Variants in PRKAA2 observed in about 807,000 individuals in gnomAD.
PRKAA2 encodes 5'-AMP-activated protein kinase catalytic subunit alpha-2.
A neutral mutation model predicts 56.3 loss-of-function variants in PRKAA2; 40 were observed. The observed-to-expected ratio is 0.71, with a 90% confidence interval of 0.55 to 0.92. The LOEUF (loss-of-function observed/expected upper bound fraction) is 0.92, where lower values mean the gene tolerates loss of function less well. Among genes scored for constraint, PRKAA2 ranks in the 40% least tolerant of loss-of-function variants. The probability of loss-of-function intolerance (pLI) is 0.00; values close to 1 mark genes in which losing one functional copy is unlikely to be tolerated. For missense variants in PRKAA2, 542 were observed against 686.9 expected (o/e 0.79, Z 2.36); for synonymous variants, 214 against 234.2 (o/e 0.91, Z 0.79).
intron 2 of PRKAA2, among the ~76,000 whole-genome samples, chr1:56,685,999 A>G (rs989065807): frequency 3.3e-5 from 5 of 152,210 alleles, no homozygotes; most frequent in African/African-American, 1.2e-4. Context: ...CTTTAGAGAT[A>G]TGTACAGATT....
chr1:56,655,526 T>C (rs1362827187), intron 1 of PRKAA2, among the ~76,000 whole-genome samples: 2 of 151,882 alleles, frequency 1.3e-5, no homozygotes, highest in Non-Finnish European at 2.9e-5. Flanking sequence ...TATAAAGTAT[T>C]TGCTGTGTTT....
intron 5 of PRKAA2, among the ~76,000 whole-genome samples, chr1:56,695,599 C>T (rs1644254264): frequency 6.6e-6 from 1 of 152,132 alleles, no homozygotes; most frequent in African/African-American, 2.4e-5. Flanking sequence ...TTAACCTATA[C>T]ACCATAGTAT....
At chr1:56,649,657 T>A (rs576969391) in intron 1 of PRKAA2, among the ~76,000 whole-genome samples, 11 of 152,310 alleles carry the variant, frequency 7.2e-5, no homozygotes, top group Admixed American at 1.3e-4. Context: ...ATTTGTTTAT[T>A]AATTAGTTTT....
intron 2 of PRKAA2, among the ~76,000 whole-genome samples, chr1:56,675,567 G>A (rs1206154271): frequency 6.6e-6 from 1 of 152,010 alleles, no homozygotes; most frequent in African/African-American, 2.4e-5. Flanking sequence ...TAATGCTCCA[G>A]CATTCCAGTT....
At chr1:56,703,728 T>TA (rs1644312145) in intron 6 of PRKAA2, among the ~76,000 whole-genome samples, 1 of 152,214 alleles carries the variant, frequency 6.6e-6, no homozygotes, top group Admixed American at 6.5e-5. Flanking sequence ...TTGTTTTCCT[T>TA]AAAGCGATGG....
intron 6 of PRKAA2, among the ~76,000 whole-genome samples, chr1:56,699,290 TTATAA>T (rs1290055170): frequency 6.6e-6 from 1 of 152,174 alleles, no homozygotes; most frequent in Non-Finnish European, 1.5e-5. Flanking sequence ...TTGATAGTCT[TTATAA>T]TCTAACCTTA....
chr1:56,689,889 GACACACAGACAC>G (rs1164025744), intron 2 of PRKAA2, among the ~76,000 whole-genome samples: 12 of 62,384 alleles, frequency 1.9e-4, no homozygotes, highest in Non-Finnish European at 2.3e-4. Flanking sequence ...TAGAAACACA[GACACACAGACAC>G]ACACACACAC....
chr1:56,674,593 A>T lies in PRKAA2; in HGVS notation c.236+71A>T. The T allele has an allele frequency of 4.1e-6, 5 of 1,220,814 alleles. No individual in the cohort carries two copies. In the Admixed American group the frequency reaches 1.4e-4, roughly 35 times the overall value. 75.6% of individuals were successfully genotyped at this position (1,220,814 alleles called of 1,614,324 possible). ...AAATGTTTTTTAGGAATTTTATAATAATTGTTAATTGTTAACCTTTTACAA... is the reference window on the plus strand; with the variant it reads ...AAATGTTTTTTAGGAATTTTATAATTATTGTTAATTGTTAACCTTTTACAA... On this transcript the variant is annotated intron_variant, in intron 2 of 8. Coordinates refer to ENST00000371244, the MANE Select transcript of PRKAA2 (RefSeq NM_006252.4).
chr1:56,651,895 G>A (rs1643901797), intron 1 of PRKAA2, among the ~76,000 whole-genome samples: 1 of 150,892 alleles, frequency 6.6e-6, no homozygotes, highest in African/African-American at 2.4e-5. Context: ...AGGCTGGAGT[G>A]CAGTGGTGCT....
chr1:56,713,162 A>G lies in PRKAA2; in HGVS notation c.*5449A>G, dbSNP rs1644380360. ...ATCATTACTAGCCTTTCCACCTATAATTATGATGCATTTGATGCCACTGAA... is the reference window on the plus strand; with the variant it reads ...ATCATTACTAGCCTTTCCACCTATAGTTATGATGCATTTGATGCCACTGAA... On this transcript the variant is annotated 3_prime_UTR_variant, in exon 9 of 9. Coordinates refer to ENST00000371244, the MANE Select transcript of PRKAA2 (RefSeq NM_006252.4). 1 of 152,150 alleles carries G rather than the reference A, an allele frequency of 6.6e-6. No homozygotes were observed. The highest frequency in any genetic ancestry group is 1.5e-5 in the Non-Finnish European group (1 of 68,030). 9.4% of individuals were successfully genotyped at this position (152,150 alleles called of 1,614,324 possible). A position where few individuals can be genotyped will look rare whatever the true frequency, so the allele number is the denominator to read the frequency against.
In PRKAA2 at chr1:56,666,094, A is replaced by G. The variant is rs1644034023; in HGVS notation, c.95-8287A>G. Among the ~76,000 whole-genome samples, 3 of 152,214 alleles carry G rather than the reference A, an allele frequency of 2.0e-5. No homozygotes were observed. The South Asian group carries it at 6.2e-4, about 32-fold the overall frequency. The stretch of plus-strand genomic sequence containing the variant: ...AGCACACCAAACTTACATACACCTC[A>G]TATTCTAAAGCAGCAATACTAGTAG... On this transcript the variant is annotated intron_variant, in intron 1 of 8. Coordinates refer to ENST00000371244, the MANE Select transcript of PRKAA2 (RefSeq NM_006252.4).
intron 6 of PRKAA2, among the ~76,000 whole-genome samples, chr1:56,699,325 G>T (rs545344231): frequency 1.3e-5 from 2 of 152,156 alleles, no homozygotes; most frequent in African/African-American, 2.4e-5. Context: ...TCAATTTCAG[G>T]TATCAGGTAG....
At chr1:56,706,890 T>C (rs1375362420) in intron 8 of PRKAA2, among the ~76,000 whole-genome samples, 1 of 152,188 alleles carries the variant, frequency 6.6e-6, no homozygotes, top group East Asian at 1.9e-4. Flanking sequence ...ATTTTACTCT[T>C]GAACTACCAT....
intron 1 of PRKAA2, among the ~76,000 whole-genome samples, chr1:56,663,135 T>C (rs2796524): frequency 0.99 from 150,052 of 152,242 alleles, 73,947 homozygotes; most frequent in East Asian, 1. Context: ...TTTGTGTCAC[T>C]GAGGCTGGAG....
intron 1 of PRKAA2, among the ~76,000 whole-genome samples, chr1:56,658,555 A>C (rs1409780411): frequency 6.6e-6 from 1 of 150,990 alleles, no homozygotes; most frequent in African/African-American, 2.4e-5. Flanking sequence ...TGAAGAATTT[A>C]TAATGGTAAA....
At chr1:56,680,887 C>T (rs555346468) in intron 2 of PRKAA2, among the ~76,000 whole-genome samples, 15 of 152,206 alleles carry the variant, frequency 9.9e-5, no homozygotes, top group South Asian at 8.3e-4. Flanking sequence ...AATGGGATGG[C>T]GGGTCAAATG....
At chr1:56,667,260 T>C (rs1644043050) in intron 1 of PRKAA2, among the ~76,000 whole-genome samples, 2 of 152,132 alleles carry the variant, frequency 1.3e-5, no homozygotes, top group Non-Finnish European at 2.9e-5. Context: ...CAGTGTTTTT[T>C]TCCCCCACCT....
intron 1 of PRKAA2, among the ~76,000 whole-genome samples, chr1:56,665,183 C>T (rs1465914437): frequency 1.3e-5 from 2 of 151,940 alleles, no homozygotes; most frequent in East Asian, 1.9e-4. Flanking sequence ...AAACGATTCT[C>T]CTGCCTCAGC....
At chr1:56,659,182 A>G (rs576244037) in intron 1 of PRKAA2, among the ~76,000 whole-genome samples, 1 of 151,980 alleles carries the variant, frequency 6.6e-6, no homozygotes, top group Admixed American at 6.5e-5. Context: ...GGAATCCTAG[A>G]TTAACTTAAA....
Sources: gnomAD v4.1 joint callset for allele counts (sites outside exome capture counted in the v4.1 genomes callset) on GRCh38, gnomAD v4.1.1 for gene constraint, MANE v1.5 for transcripts, NCBI Gene and HGNC (gene_info 2026-07-23, HGNC 2026-07-21) for gene names.